The following PEPD variants were observed in gnomAD, a reference collection of about 807,000 sequenced individuals.
PEPD encodes peptidase D.
A neutral mutation model predicts 60.7 loss-of-function variants in PEPD; 53 were observed. The ratio of observed to expected loss-of-function variants is 0.87; its 90% CI spans 0.70 to 1.10. The LOEUF (loss-of-function observed/expected upper bound fraction) is 1.10, where lower values mean the gene tolerates loss of function less well. Among genes scored for constraint, PEPD ranks in the 50% least tolerant of loss-of-function variants. The pLI is 0.00. For missense variants in PEPD, 711 were observed against 711.9 expected (o/e 1.00, Z 0.01); for synonymous variants, 267 against 284.1 (o/e 0.94, Z 0.60).
At chr19:33,397,660 C>T (rs1655199694) in intron 12 of PEPD, among the ~76,000 whole-genome samples, 1 of 152,018 alleles carries the variant, frequency 6.6e-6, no homozygotes, top group African/African-American at 2.4e-5. Context: ...ATCCTCCAGA[C>T]CCCAGGCTGG....
chr19:33,499,872 G>A (rs866428703), intron 4 of PEPD, among the ~76,000 whole-genome samples: 2 of 152,212 alleles, frequency 1.3e-5, no homozygotes, highest in Admixed American at 6.5e-5. Context: ...CCCACATGCT[G>A]GGCAGAGACA....
In PEPD at chr19:33,445,536, G is replaced by A. The variant is rs990621421; in HGVS notation, c.671+17459C>T. 3.3e-5 allele frequency among the ~76,000 whole-genome samples: 5 copies of A among 152,192 alleles called. No homozygotes were observed. The South Asian group carries it at 6.2e-4, about 19-fold the overall frequency. ...GATGCGTGCACACAGAGGAAAGGCC[G>A]CATGAGGACATGGCAAGAAGGCGGC... On this transcript the variant is annotated intron_variant, in intron 9 of 14. Transcript: ENST00000244137.
intron 11 of PEPD, among the ~76,000 whole-genome samples, chr19:33,408,362 G>A (rs762821352): frequency 1.3e-5 from 2 of 152,254 alleles, no homozygotes; most frequent in South Asian, 2.1e-4. Context: ...GCTCTTGCCC[G>A]AAGAGGGCCC....
intron 12 of PEPD, among the ~76,000 whole-genome samples, chr19:33,401,212 C>T (rs1380860233): frequency 1.3e-5 from 2 of 152,250 alleles, no homozygotes; most frequent in Non-Finnish European, 2.9e-5. Context: ...TACCACAGGC[C>T]AGGCGGCCTT....
intron 3 of PEPD, among the ~76,000 whole-genome samples, chr19:33,506,470 TCA>T (rs1267094906): frequency 3.5e-5 from 4 of 114,780 alleles, no homozygotes; most frequent in Non-Finnish European, 7.1e-5. Flanking sequence ...CCACACCCCA[TCA>T]CAAACACCCT....
intron 1 of PEPD, among the ~76,000 whole-genome samples, chr19:33,520,689 C>T (rs1971114687): frequency 6.6e-6 from 1 of 152,166 alleles, no homozygotes; most frequent in African/African-American, 2.4e-5. Flanking sequence ...TTCCCTGTAT[C>T]TTAAAAAGAG....
At position 33,387,103 on chromosome 19, in the gene PEPD, T is replaced by C; in HGVS notation, c.*241A>G. ...AAAGAACAGCATTATTTTCAATCAT[T>C]TTAAGTCGCTCATTTAATAAGCAAG... On this transcript the variant is annotated 3_prime_UTR_variant, in exon 15 of 15. Transcript: ENST00000244137. The C allele has an allele frequency of 1.8e-6, 1 of 562,192 alleles. No homozygotes were observed. 34.8% of individuals were successfully genotyped at this position (562,192 alleles called of 1,614,324 possible).
At chr19:33,492,888 C>CT (rs976314809) in intron 5 of PEPD, among the ~76,000 whole-genome samples, 3 of 151,884 alleles carry the variant, frequency 2.0e-5, no homozygotes, top group Non-Finnish European at 2.9e-5. Flanking sequence ...TTATTTTTTT[C>CT]TTTTTTTGAG....
rs1600160118 is a variant in PEPD, at chr19:33,493,404, CA to C, written c.394-68del. 79 of 1,060,216 alleles carry C rather than the reference CA, an allele frequency of 7.5e-5. No individual in the cohort carries two copies. In the East Asian group the frequency reaches 1.9e-3, roughly 25 times the overall value. The allele number at this position is 1,060,216 out of a possible 1,614,324, so 65.7% of individuals were successfully genotyped here. A position where few individuals can be genotyped will look rare whatever the true frequency, so the allele number is the denominator to read the frequency against. Reference sequence around the variant, plus strand: ...AAGCCTAATGAAGATGACATGCCACCATTCCTTCATAATGACAGTGCACATT... The same window carrying C: ...AAGCCTAATGAAGATGACATGCCACCTTCCTTCATAATGACAGTGCACATT... On this transcript the variant is annotated intron_variant, in intron 4 of 14. Coordinates refer to ENST00000244137, the MANE Select transcript of PEPD (RefSeq NM_000285.4).
intron 6 of PEPD, among the ~76,000 whole-genome samples, chr19:33,486,187 G>A (rs572770267): frequency 1.4e-3 from 212 of 152,172 alleles, no homozygotes; most frequent in African/African-American, 5.0e-3. Context: ...CTTGCCATCC[G>A]CAGGAAGAAG....
chr19:33,521,764 C>T lies in PEPD; in HGVS notation c.-4G>A, dbSNP rs1301116832. 2 of 1,576,330 alleles carry T rather than the reference C, an allele frequency of 1.3e-6. No homozygotes were observed. The highest frequency in any genetic ancestry group is 1.2e-5 in the South Asian group (1 of 86,600). ...CTCACCCGGTGGCCGCCGCCATGTT[C>T]GCCCGGCACCGGCGTCACGTGAAGT... is the stretch of plus-strand genomic sequence containing the variant. On this transcript the variant is annotated 5_prime_UTR_variant, in exon 1 of 15. Coordinates refer to ENST00000244137, the MANE Select transcript of PEPD (RefSeq NM_000285.4).
At chr19:33,421,017 G>A (rs775505000) in intron 9 of PEPD, among the ~76,000 whole-genome samples, 9 of 152,230 alleles carry the variant, frequency 5.9e-5, no homozygotes, top group Non-Finnish European at 1.3e-4. Flanking sequence ...CCGTCTAGGT[G>A]GGCAGCAGTC....
At chr19:33,436,515 C>T (rs763491894) in intron 9 of PEPD, among the ~76,000 whole-genome samples, 9 of 152,316 alleles carry the variant, frequency 5.9e-5, no homozygotes, top group East Asian at 1.9e-4. Context: ...CCTGGCAGGC[C>T]GCACTCGAGA....
intron 9 of PEPD, among the ~76,000 whole-genome samples, chr19:33,426,588 A>G (rs1230511947): frequency 1.3e-5 from 2 of 152,170 alleles, no homozygotes; most frequent in South Asian, 2.1e-4. Context: ...GTCTGTCCAC[A>G]TGGACTCACA....
chr19:33,413,973 C>A (rs539782588), intron 9 of PEPD, among the ~76,000 whole-genome samples: 6 of 152,328 alleles, frequency 3.9e-5, no homozygotes, highest in Middle Eastern at 3.4e-3. Context: ...CTGGAGCCTG[C>A]GCCCTGTGGG....
chr19:33,402,164 C>T (rs963510870), intron 11 of PEPD, among the ~76,000 whole-genome samples: 2 of 152,174 alleles, frequency 1.3e-5, no homozygotes, highest in African/African-American at 4.8e-5. Flanking sequence ...GCAGATGACA[C>T]CCACCCCTGT....
chr19:33,423,743 T>C (rs993034378), intron 9 of PEPD, among the ~76,000 whole-genome samples: 3 of 152,286 alleles, frequency 2.0e-5, no homozygotes, highest in Admixed American at 6.5e-5. Flanking sequence ...CTATCATTTA[T>C]GTAACAAGTT....
At chr19:33,460,628 A>G (rs1424341741) in intron 9 of PEPD, among the ~76,000 whole-genome samples, 2 of 152,064 alleles carry the variant, frequency 1.3e-5, no homozygotes, top group Non-Finnish European at 2.9e-5. Context: ...CCCACAGATC[A>G]GATAGCTTCC....
intron 6 of PEPD, among the ~76,000 whole-genome samples, chr19:33,488,518 C>T (rs1600155968): frequency 2.0e-5 from 3 of 152,168 alleles, no homozygotes; most frequent in East Asian, 3.9e-4. Context: ...TGGCTGTGCC[C>T]GTAGCCCCTC....
Sources: gnomAD v4.1 joint callset for allele counts (sites outside exome capture counted in the v4.1 genomes callset) on GRCh38, gnomAD v4.1.1 for gene constraint, MANE v1.5 for transcripts, NCBI Gene and HGNC (gene_info 2026-07-23, HGNC 2026-07-21) for gene names.